The following NTRK3 variants were observed in gnomAD, a reference collection of about 807,000 sequenced individuals.
The protein encoded by NTRK3 is neurotrophic receptor tyrosine kinase 3.
In NTRK3, 24 loss-of-function variants were observed where a neutral mutation model predicts 91.7. The observed-to-expected ratio is 0.26, with a 90% confidence interval of 0.19 to 0.37. The LOEUF (loss-of-function observed/expected upper bound fraction) is 0.37. Among genes scored for constraint, NTRK3 ranks in the 10% least tolerant of loss-of-function variants. The pLI is 1.00. For synonymous variants in NTRK3, 483 were observed against 404.0 expected, an observed-to-expected ratio of 1.20 and a Z score of -2.34; for missense variants, 880 against 1,068.9, an observed-to-expected ratio of 0.82 and a Z score of 2.46.
At chr15:88,135,145 G>T (rs752786275) in exon 10 of NTRK3, 2 of 1,614,264 alleles carry the variant, frequency 1.2e-6, no homozygotes, top group South Asian at 2.2e-5. Flanking sequence ...GGTCTGGTTG[G>T]CTGTGCCCAG....
intron 17 of NTRK3, among the ~76,000 whole-genome samples, chr15:87,901,360 G>A (rs931454545): frequency 3.3e-5 from 5 of 152,326 alleles, no homozygotes; most frequent in Non-Finnish European, 5.9e-5. Context: ...ATTTGAGCAG[G>A]TGGACTTCTT....
At chr15:88,062,045 A>G (rs2046268728) in intron 13 of NTRK3, among the ~76,000 whole-genome samples, 1 of 152,272 alleles carries the variant, frequency 6.6e-6, no homozygotes, top group African/African-American at 2.4e-5. Context: ...AAAATACAAG[A>G]TAACAACTAT....
intron 5 of NTRK3, among the ~76,000 whole-genome samples, chr15:88,157,351 TC>T (rs2044009132): frequency 6.6e-6 from 1 of 151,292 alleles, no homozygotes; most frequent in Admixed American, 6.6e-5. Context: ...TCTTAGGGGG[TC>T]TGAGGAGCTC....
chr15:88,185,301 T>C (rs1044307276), intron 3 of NTRK3, among the ~76,000 whole-genome samples: 1 of 152,196 alleles, frequency 6.6e-6, no homozygotes, highest in African/African-American at 2.4e-5. Flanking sequence ...ATCCACTGCA[T>C]AAATTCCAGC....
chr15:88,023,595 C>T (rs547728038), intron 14 of NTRK3, among the ~76,000 whole-genome samples: 15 of 152,264 alleles, frequency 9.9e-5, no homozygotes, highest in African/African-American at 3.6e-4. Context: ...AAGATCCAAC[C>T]AGGAGAATAA....
intron 3 of NTRK3, among the ~76,000 whole-genome samples, chr15:88,189,509 GCA>G (rs1361557036): frequency 6.6e-6 from 1 of 151,488 alleles, no homozygotes; most frequent in Non-Finnish European, 1.5e-5. Flanking sequence ...GCAGTGGGGT[GCA>G]ATGGCTCACT....
At chr15:88,186,284 T>C (rs1316513905) in intron 3 of NTRK3, among the ~76,000 whole-genome samples, 1 of 152,206 alleles carries the variant, frequency 6.6e-6, no homozygotes, top group Admixed American at 6.5e-5. Flanking sequence ...TAGAATTCCA[T>C]AAATGTGTTG....
chr15:88,045,298 C>A (rs2080073866), intron 13 of NTRK3, among the ~76,000 whole-genome samples: 1 of 152,186 alleles, frequency 6.6e-6, no homozygotes, highest in South Asian at 2.1e-4. Flanking sequence ...AACCTGTCTG[C>A]ATTTGAACCC....
chr15:87,964,223 T>C (rs2072579845), intron 14 of NTRK3, among the ~76,000 whole-genome samples: 1 of 152,122 alleles, frequency 6.6e-6, no homozygotes, highest in Non-Finnish European at 1.5e-5. Flanking sequence ...TATCTGGTAA[T>C]GGTAGCGGTG....
chr15:88,146,164 G>C (rs181166515), intron 6 of NTRK3, among the ~76,000 whole-genome samples: 2 of 152,206 alleles, frequency 1.3e-5, no homozygotes, highest in Non-Finnish European at 2.9e-5. Context: ...AATCGTAGTA[G>C]TCATGTTAAT....
At chr15:88,110,267 G>T (rs1417576648) in intron 13 of NTRK3, among the ~76,000 whole-genome samples, 6 of 152,176 alleles carry the variant, frequency 3.9e-5, no homozygotes, top group Non-Finnish European at 8.8e-5. Context: ...GGTAAACATG[G>T]AGGTGGGATC....
rs192270799 is a variant in NTRK3 at position 88,242,946 on chromosome 15, C to T, written c.248+12960G>A. 5.7e-4 allele frequency among the ~76,000 whole-genome samples: 87 copies of T among 152,326 alleles called. 1 individual carries two copies. The highest frequency in any genetic ancestry group is 2.4e-3 in the Admixed American group (37 of 15,312). On this transcript the variant is annotated intron_variant, in intron 3 of 18. Transcript: ENST00000394480. ...TCCTTTGGAAAACAGAATATGAGGC[C>T]GCCCCTCCAACACCTGCCCTAGGGA... is the stretch of plus-strand genomic sequence containing the variant.
At chr15:87,938,563 G>T (rs1166292577) in intron 15 of NTRK3, among the ~76,000 whole-genome samples, 1 of 152,154 alleles carries the variant, frequency 6.6e-6, no homozygotes, top group Non-Finnish European at 1.5e-5. Flanking sequence ...CTTTTAAAAG[G>T]ATGGAAACAG....
At chr15:88,092,894 GC>G (rs1301041714) in intron 13 of NTRK3, among the ~76,000 whole-genome samples, 1 of 152,038 alleles carries the variant, frequency 6.6e-6, no homozygotes, top group Non-Finnish European at 1.5e-5. Flanking sequence ...GCACATTCTT[GC>G]CTTCAGGACC....
intron 13 of NTRK3, among the ~76,000 whole-genome samples, chr15:88,079,160 G>T (rs566433307): frequency 1.2e-4 from 18 of 152,192 alleles, no homozygotes; most frequent in Non-Finnish European, 2.4e-4. Flanking sequence ...GAACTAGGTG[G>T]TACTTGTGGA....
chr15:88,052,886 G>A (rs970624330), intron 13 of NTRK3, among the ~76,000 whole-genome samples: 1 of 152,078 alleles, frequency 6.6e-6, no homozygotes, highest in Admixed American at 6.5e-5. Context: ...AGAGAATTTG[G>A]GCCCAAGGGG....
At chr15:88,089,793 A>C (rs879375086) in intron 13 of NTRK3, among the ~76,000 whole-genome samples, 8 of 152,154 alleles carry the variant, frequency 5.3e-5, no homozygotes, top group Non-Finnish European at 1.2e-4. Flanking sequence ...AAGCAGCCAG[A>C]GTGGCCCCTT....
chr15:88,170,175 G>T (rs1228010219), intron 5 of NTRK3, among the ~76,000 whole-genome samples: 2 of 152,208 alleles, frequency 1.3e-5, no homozygotes, highest in African/African-American at 2.4e-5. Context: ...AAGGGCCATT[G>T]TGAGTGGACT....
intron 14 of NTRK3, among the ~76,000 whole-genome samples, chr15:88,032,348 G>A (rs182164063): frequency 5.9e-5 from 9 of 152,222 alleles, no homozygotes; most frequent in East Asian, 3.9e-4. Flanking sequence ...AGTTCCTAGC[G>A]CTGGGGCTGT....
Sources: gnomAD v4.1 joint callset for allele counts (sites outside exome capture counted in the v4.1 genomes callset) on GRCh38, gnomAD v4.1.1 for gene constraint, MANE v1.5 for transcripts, NCBI Gene and HGNC (gene_info 2026-07-23, HGNC 2026-07-21) for gene names.